The following TMEM232 variants were observed in gnomAD, a reference collection of about 807,000 sequenced individuals.
TMEM232 encodes the protein transmembrane protein 232.
A neutral mutation model predicts 78.8 loss-of-function variants in TMEM232; 80 were observed. The observed-to-expected ratio is 1.01, with a 90% CI of 0.85 to 1.22. TMEM232 has a LOEUF of 1.22. Ranked by LOEUF, TMEM232 falls within the 50% of genes most tolerant of loss-of-function variation. TMEM232 has a pLI of 0.00. For missense variants in TMEM232, 881 were observed against 742.2 expected (o/e 1.19, Z -2.17); for synonymous variants, 297 against 254.3 (o/e 1.17, Z -1.60).
chr5:110,702,130 C>T (rs1040717937), intron 1 of TMEM232, among the ~76,000 whole-genome samples: 12 of 151,778 alleles, frequency 7.9e-5, no homozygotes, highest in Admixed American at 1.3e-4. Context: ...CTTAAGCCCA[C>T]GTACTGAACA....
At chr5:110,604,381 G>A (rs894757329) in intron 10 of TMEM232, among the ~76,000 whole-genome samples, 2 of 152,046 alleles carry the variant, frequency 1.3e-5, no homozygotes, top group Non-Finnish European at 2.9e-5. Flanking sequence ...CTATTTGATG[G>A]ACTATAAGAT....
chr5:110,464,933 T>C (rs1761917814), intron 12 of TMEM232, among the ~76,000 whole-genome samples: 1 of 152,112 alleles, frequency 6.6e-6, no homozygotes, highest in Non-Finnish European at 1.5e-5. Flanking sequence ...AAATAAGAAG[T>C]GGAGAATACT....
chr5:110,667,400 T>G (rs1421615731), intron 1 of TMEM232, 36 bp from the exon 2 acceptor site: 3 of 1,435,552 alleles, frequency 2.1e-6, no homozygotes, highest in Non-Finnish European at 2.8e-6. Context: ...AGCATACAAA[T>G]GCACTCATAG....
intron 1 of TMEM232, among the ~76,000 whole-genome samples, chr5:110,701,914 G>T (rs1795474818): frequency 6.6e-6 from 1 of 151,966 alleles, no homozygotes; most frequent in Non-Finnish European, 1.5e-5. Flanking sequence ...CTCAAATTTT[G>T]CTTAACAGAA....
rs565299221 is a variant in TMEM232, at chr5:110,640,843, T to C, written c.343+48A>G. The C allele has an allele frequency of 6.8e-6, 9 of 1,320,876 alleles. No individual in the cohort carries two copies. In the African/African-American group the frequency reaches 1.0e-4, roughly 15 times the overall value. 81.8% of individuals were successfully genotyped at this position (1,320,876 alleles called of 1,614,324 possible). A position where few individuals can be genotyped will look rare whatever the true frequency, so the allele number is the denominator to read the frequency against. On this transcript the variant is annotated intron_variant, in intron 4 of 13. Coordinates refer to ENST00000455884, the MANE Select transcript of TMEM232 (RefSeq NM_001039763.4). ...AGTTCTCAAATTATGCCTTCACTGA[T>C]GATATAGAAAATACTTAGGATGCCT...
At chr5:110,551,857 T>TA (rs1289854025) in intron 11 of TMEM232, among the ~76,000 whole-genome samples, 3 of 152,122 alleles carry the variant, frequency 2.0e-5, no homozygotes, top group East Asian at 3.9e-4. Flanking sequence ...TTATAAATAC[T>TA]AAAAATATGT....
At chr5:110,692,526 G>T (rs1310974631) in intron 1 of TMEM232, among the ~76,000 whole-genome samples, 1 of 152,238 alleles carries the variant, frequency 6.6e-6, no homozygotes, top group Non-Finnish European at 1.5e-5. Flanking sequence ...GGAAGCGCAA[G>T]GAGGCAGGGA....
chr5:110,543,188 TCTCATTTGACTACTC>T (rs1256827322), intron 11 of TMEM232, among the ~76,000 whole-genome samples: 1 of 152,126 alleles, frequency 6.6e-6, no homozygotes, highest in Non-Finnish European at 1.5e-5. Flanking sequence ...TTTCATCATG[TCTCATTTGACTACTC>T]CTCACTTACT....
At chr5:110,551,109 T>A (rs1319833676) in intron 11 of TMEM232, among the ~76,000 whole-genome samples, 1 of 152,164 alleles carries the variant, frequency 6.6e-6, no homozygotes, top group African/African-American at 2.4e-5. Flanking sequence ...AGAAAAAGCT[T>A]GCCAGCCCCT....
At chr5:110,627,425 G>T (rs1379536195) in intron 6 of TMEM232, among the ~76,000 whole-genome samples, 1 of 152,152 alleles carries the variant, frequency 6.6e-6, no homozygotes, top group African/African-American at 2.4e-5. Context: ...GATGGGGAAG[G>T]GGGAGATATC....
intron 1 of TMEM232, among the ~76,000 whole-genome samples, chr5:110,725,331 T>C (rs1422508651): frequency 1.3e-5 from 2 of 152,212 alleles, no homozygotes; most frequent in African/African-American, 2.4e-5. Flanking sequence ...TTAAAATTTA[T>C]TGACTAAAGA....
Position 110,422,155 on chromosome 5 carries a change from G to A in TMEM232, c.1798-1399C>T, listed in dbSNP as rs372382833. On this transcript the variant is annotated intron_variant, in intron 13 of 13. Transcript: ENST00000455884. Reference sequence around the variant, plus strand: ...CAATTTTATTAGCATAGAAGTTATAGTTGGTATAATAATGACAGTATCTAT... The same window carrying A: ...CAATTTTATTAGCATAGAAGTTATAATTGGTATAATAATGACAGTATCTAT... Among the ~76,000 whole-genome samples, 115 of 152,212 alleles carry A rather than the reference G, an allele frequency of 7.6e-4. No homozygotes were observed. In the Middle Eastern group the frequency reaches 0.01, roughly 14 times the overall value.
At chr5:110,690,230 C>A (rs1028840247) in intron 1 of TMEM232, among the ~76,000 whole-genome samples, 1 of 152,134 alleles carries the variant, frequency 6.6e-6, no homozygotes, top group African/African-American at 2.4e-5. Flanking sequence ...TTTTTTCAGT[C>A]TATCCATCTG....
At chr5:110,695,469 G>A (rs1224739527) in intron 1 of TMEM232, among the ~76,000 whole-genome samples, 4 of 152,048 alleles carry the variant, frequency 2.6e-5, no homozygotes, top group East Asian at 3.9e-4. Flanking sequence ...GAACTGAAGG[G>A]AATAGAGACA....
chr5:110,610,946 A>C (rs922733268), intron 8 of TMEM232, among the ~76,000 whole-genome samples: 1 of 152,174 alleles, frequency 6.6e-6, no homozygotes, highest in African/African-American at 2.4e-5. Context: ...AAATTTATTC[A>C]AGCTAAGAAA....
chr5:110,612,163 G>A lies in TMEM232; in HGVS notation c.903-5876C>T, dbSNP rs529938080. ...AGCTCTTTGAGGTTGCTGTTATCTC[G>A]ATATAACTGCTAAACAGACCCTGGG... On this transcript the variant is annotated intron_variant, in intron 8 of 13. Coordinates refer to ENST00000455884, the MANE Select transcript of TMEM232 (RefSeq NM_001039763.4). Among the ~76,000 whole-genome samples, 19 of 152,178 alleles carry A rather than the reference G, an allele frequency of 1.2e-4. No individual in the cohort carries two copies. The South Asian group carries it at 1.7e-3, about 13-fold the overall frequency.
chr5:110,714,224 G>A (rs1010114805), intron 1 of TMEM232, among the ~76,000 whole-genome samples: 2 of 152,072 alleles, frequency 1.3e-5, no homozygotes, highest in Admixed American at 6.6e-5. Context: ...TCATTGACAC[G>A]TACTGATTAC....
intron 2 of TMEM232, among the ~76,000 whole-genome samples, chr5:110,662,860 A>G (rs183166567): frequency 6.6e-6 from 1 of 152,284 alleles, no homozygotes; most frequent in Admixed American, 6.5e-5. Flanking sequence ...AGATAAAACA[A>G]TAAGGTTTTT....
chr5:110,662,907 G>A (rs1318501720), intron 2 of TMEM232, among the ~76,000 whole-genome samples: 2 of 151,916 alleles, frequency 1.3e-5, no homozygotes, highest in African/African-American at 4.8e-5. Flanking sequence ...ACGATCTTGT[G>A]GTTGGGAAAG....
Sources: gnomAD v4.1 joint callset for allele counts (sites outside exome capture counted in the v4.1 genomes callset) on GRCh38, gnomAD v4.1.1 for gene constraint, MANE v1.5 for transcripts, NCBI Gene and HGNC (gene_info 2026-07-23, HGNC 2026-07-21) for gene names.